The following RFC3 variants were observed in gnomAD, a reference collection of about 807,000 sequenced individuals.
RFC3 encodes the protein A1 38 kDa subunit.
RFC3 carries 41 observed loss-of-function variants against 45.1 expected under a neutral mutation model. That is an observed-to-expected ratio of 0.91 (90% CI 0.71 to 1.18). The LOEUF is 1.18. Among genes scored for constraint, RFC3 ranks in the 50% most tolerant of loss-of-function variants. RFC3 has a pLI of 0.00. For missense variants in RFC3, 423 were observed against 428.1 expected, an observed-to-expected ratio of 0.99 and a Z score of 0.10; for synonymous variants, 149 against 144.0, an observed-to-expected ratio of 1.03 and a Z score of -0.25.
intron 8 of RFC3, among the ~76,000 whole-genome samples, chr13:33,946,385 C>A (rs1022855924): frequency 6.6e-6 from 1 of 152,080 alleles, no homozygotes; most frequent in Non-Finnish European, 1.5e-5. Flanking sequence ...AGACTTTTTT[C>A]TTTCAGAAAC....
At chr13:33,862,553 C>A (rs2082347828) in intron 8 of RFC3, among the ~76,000 whole-genome samples, 1 of 151,898 alleles carries the variant, frequency 6.6e-6, no homozygotes, top group Non-Finnish European at 1.5e-5. Flanking sequence ...GTATGTTTCC[C>A]ACTGATTCAT....
At chr13:33,974,677 A>G in the RFC3 span, among the ~76,000 whole-genome samples, 1 of 152,258 alleles carries the variant, frequency 6.6e-6, no homozygotes, top group South Asian at 2.1e-4. Context: ...TTATCAGAAT[A>G]GATTTTAAAG....
chr13:33,877,700 TAATAA>T (rs1289548489), intron 8 of RFC3, among the ~76,000 whole-genome samples: 3 of 149,046 alleles, frequency 2.0e-5, no homozygotes, highest in African/African-American at 7.3e-5. Context: ...TAATAGATTA[TAATAA>T]AATAAGTTTA....
intron 8 of RFC3, among the ~76,000 whole-genome samples, chr13:33,943,544 C>T (rs1173387044): frequency 6.6e-6 from 1 of 152,110 alleles, no homozygotes; most frequent in African/African-American, 2.4e-5. Context: ...TCCTAATTAC[C>T]ACGATTTGAT....
intron 8 of RFC3, among the ~76,000 whole-genome samples, chr13:33,844,083 T>A (rs1416427467): frequency 2.6e-5 from 4 of 152,242 alleles, no homozygotes; most frequent in Non-Finnish European, 5.9e-5. Context: ...GTTGAGTAAT[T>A]GTGAATAGTA....
intron 5 of RFC3, among the ~76,000 whole-genome samples, chr13:33,830,442 T>C (rs2082091459): frequency 6.6e-6 from 1 of 152,212 alleles, no homozygotes; most frequent in South Asian, 2.1e-4. Flanking sequence ...TACATAGATA[T>C]ATTTTTTTCT....
intron 8 of RFC3, among the ~76,000 whole-genome samples, chr13:33,959,105 A>G (rs2083040363): frequency 6.6e-6 from 1 of 152,128 alleles, no homozygotes; most frequent in Non-Finnish European, 1.5e-5. Context: ...GGACCTAGAG[A>G]TCCACAGAGT....
chr13:33,834,298 G>GTATA lies in RFC3; in HGVS notation c.810-820_810-817dup, dbSNP rs58858615. Among the ~76,000 whole-genome samples, 458 of 109,162 alleles carry GTATA rather than the reference G, an allele frequency of 4.2e-3. 5 individuals are homozygous for GTATA. Among genetic ancestry groups the GTATA allele is most frequent in the African/African-American group, 0.015 (354 of 24,178 alleles). The allele number at this position is 109,162 out of a possible 152,430, so 71.6% of individuals were successfully genotyped here. ...GAAGTATGGAACATCTGTACTGTGT[G>GTATA]TATATATATATATATATATATATAT... On this transcript the variant is annotated intron_variant, in intron 7 of 8. Coordinates refer to ENST00000380071, the MANE Select transcript of RFC3 (RefSeq NM_002915.4).
chr13:33,953,925 T>G (rs1440420790), intron 8 of RFC3, among the ~76,000 whole-genome samples: 1 of 152,204 alleles, frequency 6.6e-6, no homozygotes, highest in Non-Finnish European at 1.5e-5. Context: ...AATTGGAGAA[T>G]TTTACTTGTT....
intron 8 of RFC3, among the ~76,000 whole-genome samples, chr13:33,959,752 T>C (rs1226895519): frequency 6.6e-6 from 1 of 152,126 alleles, no homozygotes; most frequent in Non-Finnish European, 1.5e-5. Context: ...CTTGCACCCA[T>C]TTCCTGTTTT....
At chr13:33,843,493 C>G (rs1177989395) in intron 8 of RFC3, among the ~76,000 whole-genome samples, 1 of 152,154 alleles carries the variant, frequency 6.6e-6, no homozygotes, top group Non-Finnish European at 1.5e-5. Context: ...TATAGCAGCA[C>G]CAGAAACTTA....
chr13:33,844,331 A>T (rs1368975355), intron 8 of RFC3, among the ~76,000 whole-genome samples: 1 of 152,176 alleles, frequency 6.6e-6, no homozygotes, highest in Non-Finnish European at 1.5e-5. Flanking sequence ...ATGCCTTAAA[A>T]ATGAAAAACT....
chr13:33,881,393 A>C (rs1305729957), intron 8 of RFC3, among the ~76,000 whole-genome samples: 3 of 152,186 alleles, frequency 2.0e-5, no homozygotes, highest in Non-Finnish European at 4.4e-5. Flanking sequence ...CTCTGTGATG[A>C]GCAAAGATAA....
intron 8 of RFC3, among the ~76,000 whole-genome samples, chr13:33,875,915 C>G (rs2082443297): frequency 6.6e-6 from 1 of 152,176 alleles, no homozygotes; most frequent in Admixed American, 6.5e-5. Context: ...CATAGCAGCC[C>G]TCTGAGAGGG....
chr13:33,946,460 A>T (rs544394606), intron 8 of RFC3, among the ~76,000 whole-genome samples: 5 of 152,316 alleles, frequency 3.3e-5, no homozygotes, highest in Admixed American at 6.5e-5. Context: ...TTCTATCTGT[A>T]CATTTCCATA....
chr13:33,892,826 A>C (rs1207592467), intron 8 of RFC3, among the ~76,000 whole-genome samples: 1 of 152,170 alleles, frequency 6.6e-6, no homozygotes, highest in Non-Finnish European at 1.5e-5. Context: ...GGCCACAGAG[A>C]AATGAAAAAT....
At chr13:33,828,542 T>G (rs1196929904) in intron 4 of RFC3, among the ~76,000 whole-genome samples, 1 of 152,244 alleles carries the variant, frequency 6.6e-6, no homozygotes, top group Non-Finnish European at 1.5e-5. Flanking sequence ...GTAAGACTGC[T>G]GCTTTCTTTG....
intron 8 of RFC3, among the ~76,000 whole-genome samples, chr13:33,911,216 T>C (rs1046980355): frequency 3.9e-5 from 6 of 152,096 alleles, no homozygotes; most frequent in Non-Finnish European, 8.8e-5. Flanking sequence ...TTGAACTGAA[T>C]AGACTAAGGT....
intron 5 of RFC3, 106 bp downstream of exon 5, chr13:33,830,123 A>G: frequency 4.3e-6 from 4 of 939,610 alleles, no homozygotes; most frequent in Non-Finnish European, 6.5e-6. Context: ...AAGAACACCT[A>G]CAGACCTGGA....
Sources: gnomAD v4.1 joint callset for allele counts (sites outside exome capture counted in the v4.1 genomes callset) on GRCh38, gnomAD v4.1.1 for gene constraint, MANE v1.5 for transcripts, NCBI Gene and HGNC (gene_info 2026-07-23, HGNC 2026-07-21) for gene names.